The following PTPRT variants were observed in gnomAD, a reference collection of about 807,000 sequenced individuals.
PTPRT encodes the protein protein tyrosine phosphatase receptor type T.
A neutral mutation model predicts 176.8 loss-of-function variants in PTPRT; 56 were observed. The observed-to-expected ratio is 0.32, with a 90% confidence interval of 0.26 to 0.40. The LOEUF is 0.40. Among genes scored for constraint, PTPRT ranks in the 10% least tolerant of loss-of-function variants. PTPRT has a pLI of 1.00. For synonymous variants in PTPRT, 783 were observed against 739.0 expected (o/e 1.06, Z -0.96); for missense variants, 1,540 against 1,908.2 (o/e 0.81, Z 3.60).
At chr20:42,809,614 G>A (rs1358388965) in intron 2 of PTPRT, among the ~76,000 whole-genome samples, 5 of 152,192 alleles carry the variant, frequency 3.3e-5, no homozygotes, top group Non-Finnish European at 4.4e-5. Flanking sequence ...CGGCAGGGCC[G>A]TGGGGGAAGT....
chr20:42,182,144 A>T (rs972136750), intron 16 of PTPRT, among the ~76,000 whole-genome samples: 1 of 152,178 alleles, frequency 6.6e-6, no homozygotes, highest in African/African-American at 2.4e-5. Flanking sequence ...GAGTAGCCAG[A>T]GATGAGACTA....
intron 11 of PTPRT, among the ~76,000 whole-genome samples, chr20:42,321,455 C>T (rs2057797217): frequency 6.6e-6 from 1 of 152,112 alleles, no homozygotes; most frequent in South Asian, 2.1e-4. Context: ...TATGTTTATT[C>T]TGATATTTAT....
chr20:43,052,970 CTG>C (rs1280196900), intron 1 of PTPRT, among the ~76,000 whole-genome samples: 1 of 152,078 alleles, frequency 6.6e-6, no homozygotes, highest in Admixed American at 6.6e-5. Context: ...AAACAAAACA[CTG>C]TACCTGAAAC....
At chr20:42,716,603 T>G (rs186658474) in intron 6 of PTPRT, among the ~76,000 whole-genome samples, 5 of 152,292 alleles carry the variant, frequency 3.3e-5, no homozygotes, top group African/African-American at 1.2e-4. Context: ...GGGTTGTTTG[T>G]TTTTTTCTTG....
intron 7 of PTPRT, among the ~76,000 whole-genome samples, chr20:42,517,582 C>T (rs1349647352): frequency 6.6e-6 from 1 of 151,790 alleles, no homozygotes; most frequent in African/African-American, 2.4e-5. Context: ...ATGCATAGTC[C>T]ATTAATTTTC....
intron 7 of PTPRT, among the ~76,000 whole-genome samples, chr20:42,576,692 A>C (rs2073268109): frequency 6.6e-6 from 1 of 152,214 alleles, no homozygotes; most frequent in Non-Finnish European, 1.5e-5. Context: ...GTGTATTATA[A>C]GGTGGACTAA....
chr20:42,715,125 C>A (rs77949231), intron 6 of PTPRT, among the ~76,000 whole-genome samples: 1 of 152,160 alleles, frequency 6.6e-6, no homozygotes, highest in Non-Finnish European at 1.5e-5. Flanking sequence ...ATAGATCCCT[C>A]CTAACAAAGT....
chr20:42,626,006 G>T (rs1452249000), intron 7 of PTPRT, among the ~76,000 whole-genome samples: 1 of 151,146 alleles, frequency 6.6e-6, no homozygotes, highest in Non-Finnish European at 1.5e-5. Flanking sequence ...TCCAAAACCA[G>T]AATAGAGCCA....
Position 42,770,256 on chromosome 20 carries a change from G to A in PTPRT, c.684+1179C>T, listed in dbSNP as rs139751158. 5.5e-4 allele frequency among the ~76,000 whole-genome samples: 84 copies of A among 152,196 alleles called. 1 individual carries two copies. Among genetic ancestry groups the A allele is most frequent in the African/African-American group, 2.0e-3 (81 of 41,512 alleles). ...TCCTGCCTCAGCCTCCCAAGTAGCT[G>A]GGATTACAGGCACTCGCCACCACGC... On this transcript the variant is annotated intron_variant, in intron 5 of 30. Transcript: ENST00000373187.
chr20:43,083,341 T>TACATATATATATAC, intron 1 of PTPRT, among the ~76,000 whole-genome samples: 1 of 40,676 alleles, frequency 2.5e-5, no homozygotes, highest in African/African-American at 7.0e-5. Flanking sequence ...TATATATATA[T>TACATATATATATAC]ATATATATAT....
intron 2 of PTPRT, among the ~76,000 whole-genome samples, chr20:42,811,697 G>A (rs2077700308): frequency 1.3e-5 from 2 of 152,116 alleles, no homozygotes; most frequent in African/African-American, 4.8e-5. Flanking sequence ...GTTGGTGGCC[G>A]CTGTTGTTAC....
intron 11 of PTPRT, among the ~76,000 whole-genome samples, chr20:42,317,310 C>G (rs887554217): frequency 6.6e-6 from 1 of 152,174 alleles, no homozygotes; most frequent in African/African-American, 2.4e-5. Context: ...ATGTTAGACT[C>G]TCTTTGTAAA....
At chr20:42,095,304 C>T (rs1324682496) in intron 27 of PTPRT, among the ~76,000 whole-genome samples, 1 of 152,242 alleles carries the variant, frequency 6.6e-6, no homozygotes, top group Admixed American at 6.5e-5. Flanking sequence ...CTCTCTGTTT[C>T]TCTGAGAGTG....
At chr20:42,099,023 T>C (rs1424642545) in intron 26 of PTPRT, among the ~76,000 whole-genome samples, 1 of 152,174 alleles carries the variant, frequency 6.6e-6, no homozygotes, top group Admixed American at 6.5e-5. Flanking sequence ...AGGGGCTGAG[T>C]TGCCCTGGCA....
chr20:42,163,206 G>T (rs1989683547), intron 16 of PTPRT, among the ~76,000 whole-genome samples: 1 of 152,122 alleles, frequency 6.6e-6, no homozygotes, highest in African/African-American at 2.4e-5. Context: ...TTAGTAGGTG[G>T]GGTCATCGTA....
chr20:42,686,998 T>G (rs1240476440), intron 6 of PTPRT, among the ~76,000 whole-genome samples: 2 of 152,196 alleles, frequency 1.3e-5, no homozygotes, highest in African/African-American at 4.8e-5. Context: ...AAACTGGGGA[T>G]ATAGTAACAT....
At chr20:42,529,516 T>C (rs12481148) in intron 7 of PTPRT, among the ~76,000 whole-genome samples, 46,357 of 151,918 alleles carry the variant, frequency 0.31, 7,935 homozygotes, top group Non-Finnish European at 0.39. Flanking sequence ...AGATGGAGTC[T>C]CACTCTGCTG....
intron 2 of PTPRT, among the ~76,000 whole-genome samples, chr20:42,825,363 A>G (rs2077974196): frequency 6.6e-6 from 1 of 152,160 alleles, no homozygotes; most frequent in Non-Finnish European, 1.5e-5. Context: ...TAATTAAATA[A>G]GTAATAATAC....
At chr20:42,258,275 A>G (rs547383670) in intron 13 of PTPRT, among the ~76,000 whole-genome samples, 1 of 152,274 alleles carries the variant, frequency 6.6e-6, no homozygotes, top group South Asian at 2.1e-4. Context: ...TCCTATTCTA[A>G]TATCTAAGGG....
Sources: allele counts gnomAD v4.1 joint callset (sites outside exome capture counted in the v4.1 genomes callset), GRCh38; gene constraint gnomAD v4.1.1; transcripts MANE v1.5; gene names NCBI Gene and HGNC (gene_info 2026-07-23, HGNC 2026-07-21).